The following SLC41A2 variants were observed in gnomAD, a reference collection of about 807,000 sequenced individuals.
SLC41A2 encodes solute carrier family 41 member 2.
Under a neutral mutation model 58.3 loss-of-function variants are expected in SLC41A2, and 32 were observed. The observed-to-expected ratio is 0.55, with a 90% CI of 0.41 to 0.74. SLC41A2 has a LOEUF of 0.74. Ranked by LOEUF, SLC41A2 falls within the 30% of genes least tolerant of loss-of-function variation. The pLI is 0.00. For missense variants in SLC41A2, 514 were observed against 680.6 expected (o/e 0.76, Z 2.72); for synonymous variants, 190 against 235.0 (o/e 0.81, Z 1.75).
chr12:104,866,582 A>T lies in SLC41A2; in HGVS notation c.1028-3T>A, dbSNP rs767119178. ...TGGAGAAATGTAGTAATAGGTCTCTAAAATTAAAAAAAAAAAAAAAAAGAG... is the reference window on the plus strand; with the variant it reads ...TGGAGAAATGTAGTAATAGGTCTCTTAAATTAAAAAAAAAAAAAAAAAGAG... On this transcript the variant is annotated splice_polypyrimidine_tract_variant and splice_region_variant and intron_variant, in intron 6 of 10. Transcript: ENST00000258538. 1 of 1,457,624 alleles carries T rather than the reference A, an allele frequency of 6.9e-7. No homozygotes were observed. The highest frequency in any genetic ancestry group is 1.3e-5 in the South Asian group (1 of 78,784). The allele number at this position is 1,457,624 out of a possible 1,614,324, so 90.3% of individuals were successfully genotyped here. A position where few individuals can be genotyped will look rare whatever the true frequency, so the allele number is the denominator to read the frequency against.
Position 104,804,778 on chromosome 12 carries a change from T to A in SLC41A2, c.*374A>T, listed in dbSNP as rs2040832384. On this transcript the variant is annotated 3_prime_UTR_variant, in exon 11 of 11. Coordinates refer to ENST00000258538, the MANE Select transcript of SLC41A2 (RefSeq NM_001352171.3). Reference sequence around the variant, plus strand: ...AGCACATCTGTGAGACAAGAAAGGCTAAACTAGAGCTCTGCTTCTTCTAAT... The same window carrying A: ...AGCACATCTGTGAGACAAGAAAGGCAAAACTAGAGCTCTGCTTCTTCTAAT... 1 of 158,398 alleles carries A rather than the reference T, an allele frequency of 6.3e-6. No individual in the cohort carries two copies. The highest frequency in any genetic ancestry group is 6.3e-5 in the Admixed American group (1 of 15,750). 9.8% of individuals were successfully genotyped at this position (158,398 alleles called of 1,614,324 possible).
Position 104,938,047 on chromosome 12 carries a change from T to C in SLC41A2, c.-167-9353A>G, listed in dbSNP as rs77368138. Among the ~76,000 whole-genome samples, 887 of 151,978 alleles carry C rather than the reference T, an allele frequency of 5.8e-3. 6 individuals carry two copies. Among genetic ancestry groups the C allele is most frequent in the South Asian group, 0.016 (77 of 4,814 alleles). ...CCTTAAATCCCTGCCCTAAAGAAAT[T>C]CACACTGTACACCGGAAGACACATG... On this transcript the variant is annotated intron_variant, in intron 1 of 10. Transcript: ENST00000258538.
intron 2 of SLC41A2, among the ~76,000 whole-genome samples, chr12:104,924,636 C>T (rs892692236): frequency 1.3e-5 from 2 of 151,588 alleles, no homozygotes; most frequent in Admixed American, 6.6e-5. Flanking sequence ...CCCAGCTACT[C>T]GGGAGGCTGA....
At chr12:104,945,806 C>T (rs1338181528) in intron 1 of SLC41A2, among the ~76,000 whole-genome samples, 1 of 152,140 alleles carries the variant, frequency 6.6e-6, no homozygotes, top group Admixed American at 6.5e-5. Flanking sequence ...TTCTGCTGTA[C>T]TCCATTTTTT....
intron 8 of SLC41A2, among the ~76,000 whole-genome samples, chr12:104,853,406 A>G (rs1006780410): frequency 2.6e-5 from 4 of 152,112 alleles, no homozygotes; most frequent in African/African-American, 7.2e-5. Context: ...ATTTTCACCT[A>G]TCCTCCTCTC....
At chr12:104,919,756 A>G (rs1027709642) in intron 2 of SLC41A2, among the ~76,000 whole-genome samples, 2 of 151,616 alleles carry the variant, frequency 1.3e-5, no homozygotes, top group African/African-American at 4.9e-5. Context: ...GTTTGAAAAT[A>G]TTTTTTCCCA....
intron 6 of SLC41A2, among the ~76,000 whole-genome samples, chr12:104,881,876 C>A (rs1011739215): frequency 2.0e-5 from 3 of 152,084 alleles, no homozygotes; most frequent in Non-Finnish European, 4.4e-5. Flanking sequence ...TCCTTGTTAA[C>A]TTTCTGTCTC....
rs554781020 is a variant in SLC41A2 at position 104,904,916 on chromosome 12, A to G, written c.663+4739T>C. Among the ~76,000 whole-genome samples the G allele has an allele frequency of 1.1e-3, 166 of 152,232 alleles. 1 individual carries two copies. Among genetic ancestry groups the G allele is most frequent in the African/African-American group, 3.7e-3 (155 of 41,534 alleles). On this transcript the variant is annotated intron_variant, in intron 3 of 10. Transcript: ENST00000258538. ...AAGAACAAAAGACCAAAGCTTCCAC[A>G]CTGTGGAAGGGGACCCAAGCGGGTT...
At chr12:104,922,863 TAAG>T (rs901703538) in intron 2 of SLC41A2, among the ~76,000 whole-genome samples, 1 of 152,070 alleles carries the variant, frequency 6.6e-6, no homozygotes, top group Non-Finnish European at 1.5e-5. Flanking sequence ...CTAGAATCAA[TAAG>T]AAGATGAACC....
At chr12:104,827,711 G>C (rs1001284284) in intron 10 of SLC41A2, among the ~76,000 whole-genome samples, 8 of 152,130 alleles carry the variant, frequency 5.3e-5, no homozygotes, top group Admixed American at 2.6e-4. Context: ...TTGGACGATG[G>C]CTCCCCTTTG....
intron 4 of SLC41A2, among the ~76,000 whole-genome samples, chr12:104,892,288 C>A (rs1366800657): frequency 7.9e-6 from 1 of 127,374 alleles, no homozygotes; most frequent in African/African-American, 3.6e-5. Context: ...AGAACAAGAC[C>A]TCATCTCAAA....
intron 10 of SLC41A2, among the ~76,000 whole-genome samples, chr12:104,841,147 C>T (rs1368577840): frequency 6.6e-6 from 1 of 152,106 alleles, no homozygotes; most frequent in Non-Finnish European, 1.5e-5. Context: ...ACTTCCACTT[C>T]CCCAGAAATC....
intron 1 of SLC41A2, among the ~76,000 whole-genome samples, chr12:104,940,423 A>G (rs2047461891): frequency 6.6e-6 from 1 of 151,994 alleles, no homozygotes; most frequent in African/African-American, 2.4e-5. Flanking sequence ...GGTGCAGCAC[A>G]CCAACATGGC....
chr12:104,935,575 G>A (rs2047231827), intron 1 of SLC41A2, among the ~76,000 whole-genome samples: 1 of 152,080 alleles, frequency 6.6e-6, no homozygotes, highest in Non-Finnish European at 1.5e-5. Context: ...GATTAAATTG[G>A]ATGTAACAAA....
chr12:104,867,036 G>C (rs548453307), intron 6 of SLC41A2, among the ~76,000 whole-genome samples: 1 of 152,166 alleles, frequency 6.6e-6, no homozygotes, highest in South Asian at 2.1e-4. Flanking sequence ...AATAGGGAGA[G>C]CCGGAAGAAA....
At chr12:104,875,853 T>C (rs1055619863) in intron 6 of SLC41A2, among the ~76,000 whole-genome samples, 1 of 152,118 alleles carries the variant, frequency 6.6e-6, no homozygotes, top group African/African-American at 2.4e-5. Context: ...TAGTTCTATG[T>C]TTTTGGAAGA....
chr12:104,929,473 C>T (rs1403167043), intron 1 of SLC41A2, among the ~76,000 whole-genome samples: 2 of 152,238 alleles, frequency 1.3e-5, no homozygotes, highest in Admixed American at 6.5e-5. Flanking sequence ...TCTCAGTCTG[C>T]TCTGGCCCAT....
chr12:104,853,922 T>A (rs1471985575), intron 8 of SLC41A2, among the ~76,000 whole-genome samples: 38 of 132,598 alleles, frequency 2.9e-4, no homozygotes, highest in Non-Finnish European at 3.6e-4. Flanking sequence ...TTTTTTTTTT[T>A]TTTTTTTTTT....
intron 1 of SLC41A2, among the ~76,000 whole-genome samples, chr12:104,936,030 G>A (rs963519346): frequency 2.9e-5 from 4 of 139,294 alleles, no homozygotes; most frequent in African/African-American, 7.9e-5. Flanking sequence ...GCAACAGAGC[G>A]AGACTGTCTT....
Sources: allele counts gnomAD v4.1 joint callset (sites outside exome capture counted in the v4.1 genomes callset), GRCh38; gene constraint gnomAD v4.1.1; transcripts MANE v1.5; gene names NCBI Gene and HGNC (gene_info 2026-07-23, HGNC 2026-07-21).